Variants in PTPRR observed in about 807,000 individuals in gnomAD.
PTPRR encodes protein tyrosine phosphatase receptor type R, also known as receptor-type tyrosine-protein phosphatase R.
A neutral mutation model predicts 77.2 loss-of-function variants in PTPRR; 38 were observed. The observed-to-expected ratio is 0.49, with a 90% CI of 0.38 to 0.65. The LOEUF is 0.65. Among genes scored for constraint, PTPRR ranks in the 30% least tolerant of loss-of-function variants. The pLI, the probability that PTPRR is intolerant of heterozygous loss-of-function variation, is 0.00. For missense variants in PTPRR, 744 were observed against 799.2 expected (o/e 0.93, Z 0.83); for synonymous variants, 299 against 283.1 (o/e 1.06, Z -0.57).
intron 2 of PTPRR, among the ~76,000 whole-genome samples, chr12:70,885,556 A>G (rs1040614705): frequency 2.8e-5 from 4 of 141,092 alleles, no homozygotes; most frequent in Non-Finnish European, 4.5e-5. Flanking sequence ...TTTTTTTGAG[A>G]CGGAGTCTTG....
intron 2 of PTPRR, among the ~76,000 whole-genome samples, chr12:70,868,992 C>G (rs1892912249): frequency 7.7e-6 from 1 of 129,140 alleles, no homozygotes; most frequent in East Asian, 2.3e-4. Context: ...AATGAGAACA[C>G]ATGGACACAG....
chr12:70,904,325 G>T (rs1893586587), intron 1 of PTPRR, among the ~76,000 whole-genome samples: 1 of 151,706 alleles, frequency 6.6e-6, no homozygotes, highest in Non-Finnish European at 1.5e-5. Flanking sequence ...TCCTTCAATG[G>T]GTGGATAGAT....
At chr12:70,876,442 T>C (rs1182884576) in intron 2 of PTPRR, among the ~76,000 whole-genome samples, 1 of 152,160 alleles carries the variant, frequency 6.6e-6, no homozygotes, top group Non-Finnish European at 1.5e-5. Flanking sequence ...GTAGTGTATA[T>C]ACAAACGTGA....
chr12:70,742,206 A>G (rs546097815), intron 6 of PTPRR, among the ~76,000 whole-genome samples: 83 of 152,316 alleles, frequency 5.4e-4, no homozygotes, highest in Non-Finnish European at 1.1e-3. Flanking sequence ...AACGTAGAGG[A>G]AACCCTAGGA....
chr12:70,811,597 A>G (rs897832093), intron 2 of PTPRR, among the ~76,000 whole-genome samples: 1 of 152,230 alleles, frequency 6.6e-6, no homozygotes, highest in Non-Finnish European at 1.5e-5. Flanking sequence ...GGCCACTTTC[A>G]TTGTATATTC....
intron 2 of PTPRR, among the ~76,000 whole-genome samples, chr12:70,796,961 T>C (rs1891525946): frequency 6.6e-6 from 1 of 152,132 alleles, no homozygotes; most frequent in African/African-American, 2.4e-5. Flanking sequence ...GAGGTTGCTG[T>C]GAGCCGAGAC....
rs1469259775 is a variant in PTPRR at position 70,639,280 on chromosome 12, G to A, written c.1881-3C>T. 1 of 1,611,276 alleles carries A rather than the reference G, an allele frequency of 6.2e-7. No homozygotes were observed. Among genetic ancestry groups the A allele is most frequent in the Non-Finnish European group, 8.5e-7 (1 of 1,179,390 alleles). Reference sequence around the variant, plus strand: ...CACTGGTTTGCACCATTCCACCTCTGCAAGGAAGAAATCATAAAATAACTG... The same window carrying A: ...CACTGGTTTGCACCATTCCACCTCTACAAGGAAGAAATCATAAAATAACTG... On this transcript the variant is annotated splice_region_variant and splice_polypyrimidine_tract_variant and intron_variant, in intron 13 of 13. Coordinates refer to ENST00000283228, the MANE Select transcript of PTPRR (RefSeq NM_002849.4).
intron 5 of PTPRR, among the ~76,000 whole-genome samples, chr12:70,751,084 C>G (rs1161946401): frequency 6.6e-6 from 1 of 151,592 alleles, no homozygotes; most frequent in Non-Finnish European, 1.5e-5. Flanking sequence ...AAATTTAAGA[C>G]AGTGTTTGAA....
chr12:70,803,468 C>T (rs7962764), intron 2 of PTPRR, among the ~76,000 whole-genome samples: 23,605 of 152,012 alleles, frequency 0.16, 2,582 homozygotes, highest in African/African-American at 0.31. Flanking sequence ...TTCAAGTAGA[C>T]AAGAGGCCAA....
intron 2 of PTPRR, among the ~76,000 whole-genome samples, chr12:70,889,716 T>TC (rs1428200412): frequency 1.8e-4 from 28 of 151,998 alleles, no homozygotes; most frequent in Non-Finnish European, 2.9e-5. Context: ...CTGTATCCTC[T>TC]CCTCCCTTCT....
At chr12:70,644,548 A>G (rs1049361600) in intron 13 of PTPRR, among the ~76,000 whole-genome samples, 5 of 152,252 alleles carry the variant, frequency 3.3e-5, no homozygotes, top group African/African-American at 4.8e-5. Context: ...AAATGATGCG[A>G]CAATAAAAAC....
rs936154509 is a variant in PTPRR, at chr12:70,899,977, A to G, written c.59-7000T>C. On this transcript the variant is annotated intron_variant, in intron 1 of 13. Coordinates refer to ENST00000283228, the MANE Select transcript of PTPRR (RefSeq NM_002849.4). Reference sequence around the variant, plus strand: ...GGTATAAATCTAACAGAACATGTGCAAGATACATATATATACTGAAAACTA... The same window carrying G: ...GGTATAAATCTAACAGAACATGTGCGAGATACATATATATACTGAAAACTA... Among the ~76,000 whole-genome samples, 6 of 151,702 alleles carry G rather than the reference A, an allele frequency of 4.0e-5. 1 individual carries two copies. Among genetic ancestry groups the G allele is most frequent in the Admixed American group, 2.6e-4 (4 of 15,182 alleles).
At chr12:70,671,867 C>T in intron 10 of PTPRR, 1 of 634,840 alleles carries the variant, frequency 1.6e-6, no homozygotes, top group Non-Finnish European at 2.8e-6. Flanking sequence ...ACCTCTGGCC[C>T]CACAAGCACT....
intron 1 of PTPRR, among the ~76,000 whole-genome samples, chr12:70,919,511 T>G (rs1033099917): frequency 3.9e-5 from 6 of 152,148 alleles, no homozygotes; most frequent in Non-Finnish European, 7.3e-5. Flanking sequence ...ATCTCTCAGG[T>G]ACTTCCCAAG....
intron 6 of PTPRR, among the ~76,000 whole-genome samples, chr12:70,705,862 T>C (rs1888600746): frequency 6.6e-6 from 1 of 152,074 alleles, no homozygotes; most frequent in East Asian, 1.9e-4. Context: ...TGATCTTGAA[T>C]CCTTTAGTCC....
chr12:70,780,163 C>T (rs1236352444), intron 2 of PTPRR, among the ~76,000 whole-genome samples: 2 of 151,972 alleles, frequency 1.3e-5, no homozygotes, highest in Non-Finnish European at 2.9e-5. Flanking sequence ...AGCTAGTTTT[C>T]GTATTTTTAG....
intron 2 of PTPRR, among the ~76,000 whole-genome samples, chr12:70,884,041 T>C (rs1893193370): frequency 6.6e-6 from 1 of 152,236 alleles, no homozygotes; most frequent in Non-Finnish European, 1.5e-5. Flanking sequence ...GTGACCTGTC[T>C]GAACTCTAGA....
chr12:70,870,584 C>T (rs567539648), intron 2 of PTPRR, among the ~76,000 whole-genome samples: 9 of 152,274 alleles, frequency 5.9e-5, no homozygotes, highest in East Asian at 5.8e-4. Flanking sequence ...CATATGCTTC[C>T]GGCACTGTTA....
chr12:70,846,310 A>G (rs972141280), intron 2 of PTPRR, among the ~76,000 whole-genome samples: 1 of 152,206 alleles, frequency 6.6e-6, no homozygotes, highest in East Asian at 1.9e-4. Context: ...AGCTTTTTAG[A>G]GAGACCTGTA....
Sources: allele counts gnomAD v4.1 joint callset (sites outside exome capture counted in the v4.1 genomes callset), GRCh38; gene constraint gnomAD v4.1.1; transcripts MANE v1.5; gene names NCBI Gene and HGNC (gene_info 2026-07-23, HGNC 2026-07-21).